The following PLXNA2 variants were observed in gnomAD, a reference collection of about 807,000 sequenced individuals.
The protein encoded by PLXNA2 is plexin A2, also known as plexin-A2.
PLXNA2 carries 91 observed loss-of-function variants against 193.5 expected under a neutral mutation model. That is an observed-to-expected ratio of 0.47 (90% CI 0.40 to 0.56). The LOEUF (loss-of-function observed/expected upper bound fraction) is 0.56. Among genes scored for constraint, PLXNA2 ranks in the 20% least tolerant of loss-of-function variants. The pLI is 0.00. For synonymous variants in PLXNA2, 997 were observed against 1,027.3 expected (o/e 0.97, Z 0.56); for missense variants, 1,995 against 2,503.2 (o/e 0.80, Z 4.33).
In PLXNA2 at chr1:208,142,346, C is replaced by A; in HGVS notation, c.1489G>T (p.Val497Phe). 1.2e-6 allele frequency: 2 copies of A among 1,604,794 alleles called. No individual in the cohort carries two copies. The highest frequency in any genetic ancestry group is 1.7e-6 in the Non-Finnish European group (2 of 1,176,884). ...AFSIDQRYLY[V>F]MSERQVTRVP... is the part of the protein sequence containing the mutation. ...GCACTTACCTGTCTCTCAGACATGA[C>A]GTACAGGTAGCGCTGATCAATGGAG... Residue 497 changes from valine to phenylalanine, a missense_variant, in exon 4 of 32, where the codon GTC becomes TTC. Physicochemically the swap from Val to Phe is conservative, Grantham distance 50 (BLOSUM62 -1). This residue lies in a region of PLXNA2 where 702 missense variants were observed against 812.9 expected (regional missense o/e 0.86). Coordinates refer to ENST00000367033, the MANE Select transcript of PLXNA2 (RefSeq NM_025179.4).
chr1:208,025,431 G>A lies in PLXNA2; in HGVS notation c.*1812C>T, dbSNP rs1432249753. On this transcript the variant is annotated 3_prime_UTR_variant, in exon 32 of 32. Coordinates refer to ENST00000367033, the MANE Select transcript of PLXNA2 (RefSeq NM_025179.4). ...GACCCTGGTCTAGTCTCTCTTGGAGGAGCTGGTCTAGCTTCCCAGCATCAT... is the reference window on the plus strand; with the variant it reads ...GACCCTGGTCTAGTCTCTCTTGGAGAAGCTGGTCTAGCTTCCCAGCATCAT... 1 of 152,270 alleles carries A rather than the reference G, an allele frequency of 6.6e-6. No homozygotes were observed. Among genetic ancestry groups the A allele is most frequent in the Admixed American group, 6.5e-5 (1 of 15,288 alleles). The allele number at this position is 152,270 out of a possible 1,614,324, so 9.4% of individuals were successfully genotyped here.
intron 4 of PLXNA2, among the ~76,000 whole-genome samples, chr1:208,114,819 T>C (rs1422564824): frequency 1.3e-5 from 2 of 151,996 alleles, no homozygotes; most frequent in Admixed American, 6.6e-5. Flanking sequence ...AGTGAGTAGA[T>C]GAGTGTGTGT....
At chr1:208,162,507 C>A (rs1042785999) in intron 3 of PLXNA2, among the ~76,000 whole-genome samples, 1 of 152,106 alleles carries the variant, frequency 6.6e-6, no homozygotes, top group African/African-American at 2.4e-5. Context: ...AGCTTTGGCC[C>A]TTTGTGCTTC....
intron 4 of PLXNA2, among the ~76,000 whole-genome samples, chr1:208,111,319 T>C (rs769166902): frequency 6.6e-6 from 1 of 152,142 alleles, no homozygotes; most frequent in Non-Finnish European, 1.5e-5. Context: ...CTCCTACCTC[T>C]GGCTCCTAAA....
chr1:208,084,614 C>G, intron 9 of PLXNA2, 34 bp from the exon 10 acceptor site: 1 of 1,599,342 alleles, frequency 6.3e-7, no homozygotes, highest in Non-Finnish European at 8.6e-7. Context: ...CCATCTGTCC[C>G]CTGTTCATGC....
chr1:208,125,093 A>G (rs960880522), intron 4 of PLXNA2, among the ~76,000 whole-genome samples: 1 of 152,228 alleles, frequency 6.6e-6, no homozygotes, highest in Admixed American at 6.5e-5. Flanking sequence ...AAATGTAACA[A>G]TAACTATACC....
chr1:208,095,676 C>T (rs1208385392), intron 8 of PLXNA2, among the ~76,000 whole-genome samples: 1 of 152,158 alleles, frequency 6.6e-6, no homozygotes, highest in Non-Finnish European at 1.5e-5. Flanking sequence ...CCATACTCCA[C>T]TCACTGTCAG....
At chr1:208,093,054 G>C (rs1013503826) in intron 8 of PLXNA2, among the ~76,000 whole-genome samples, 154 bp from the exon 9 acceptor site, 3 of 152,218 alleles carry the variant, frequency 2.0e-5, no homozygotes, top group Non-Finnish European at 4.4e-5. Context: ...AAGAATTGTG[G>C]ATTCTCCATC....
intron 3 of PLXNA2, among the ~76,000 whole-genome samples, chr1:208,150,479 T>C (rs1668725006): frequency 6.6e-6 from 1 of 152,124 alleles, no homozygotes; most frequent in South Asian, 2.1e-4. Flanking sequence ...CTCTGGACTT[T>C]TGCATCTTGG....
intron 1 of PLXNA2, among the ~76,000 whole-genome samples, chr1:208,240,833 T>C (rs1187356181): frequency 6.6e-6 from 1 of 151,958 alleles, no homozygotes; most frequent in Non-Finnish European, 1.5e-5. Flanking sequence ...AAGTATATTG[T>C]GCCTCAGTTC....
intron 1 of PLXNA2, among the ~76,000 whole-genome samples, chr1:208,238,454 T>C (rs1279146655): frequency 6.6e-6 from 1 of 152,322 alleles, no homozygotes; most frequent in East Asian, 1.9e-4. Flanking sequence ...CAAACCAAGA[T>C]GAACTATCAA....
At position 208,228,366 on chromosome 1, in the gene PLXNA2, G is replaced by A. The variant is rs545904848; in HGVS notation, c.-80-10364C>T. On this transcript the variant is annotated intron_variant, in intron 1 of 31. Transcript: ENST00000367033. Reference sequence around the variant, plus strand: ...TAGGGTTCCCAAAAGTTCAAAGGGCGGGGCTCTTCACCAGGAATCCTCGTG... The same window carrying A: ...TAGGGTTCCCAAAAGTTCAAAGGGCAGGGCTCTTCACCAGGAATCCTCGTG... Among the ~76,000 whole-genome samples, 59 of 152,252 alleles carry A rather than the reference G, an allele frequency of 3.9e-4. 1 individual carries two copies. The highest frequency in any genetic ancestry group is 1.0e-3 in the African/African-American group (42 of 41,536).
In PLXNA2 at chr1:208,038,038, G is replaced by A. The variant is rs1251860294; in HGVS notation, c.4764+333C>T. Among the ~76,000 whole-genome samples, 4 of 152,300 alleles carry A rather than the reference G, an allele frequency of 2.6e-5. No individual in the cohort carries two copies. The highest frequency in any genetic ancestry group is 3.9e-4 in the East Asian group (2 of 5,194). ...CCTTAAGGTAGTTGTCCATGTGGAG[G>A]GCTTTGCAATATGCATTTGATTTTT... On this transcript the variant is annotated intron_variant, in intron 26 of 31. Transcript: ENST00000367033. This position sits in a 1 kb window ranked among gnomAD's most constrained non-coding sequence, Gnocchi z 4.1.
chr1:208,221,849 G>T (rs1671347390), intron 1 of PLXNA2, among the ~76,000 whole-genome samples: 3 of 152,206 alleles, frequency 2.0e-5, no homozygotes, highest in South Asian at 4.1e-4. Context: ...GAACTTAGGT[G>T]CCTGGACGCA....
intron 4 of PLXNA2, among the ~76,000 whole-genome samples, chr1:208,106,282 T>C (rs1667269322): frequency 6.6e-6 from 1 of 152,308 alleles, no homozygotes; most frequent in Middle Eastern, 3.4e-3. Flanking sequence ...GTCTCTTATA[T>C]TCATGTGCTT....
chr1:208,060,640 C>G (rs760228059), intron 13 of PLXNA2, 46 bp downstream of exon 13: 3 of 1,560,348 alleles, frequency 1.9e-6, no homozygotes, highest in Non-Finnish European at 1.7e-6. Flanking sequence ...CTCCAGTCTC[C>G]ACTCTGAAGC....
At chr1:208,218,178 T>C in intron 1 of PLXNA2, 176 bp from the exon 2 acceptor site, 1 of 607,598 alleles carries the variant, frequency 1.6e-6, no homozygotes, top group Admixed American at 3.0e-5. Flanking sequence ...GGGAATCCTG[T>C]TATCTATTTT....
At chr1:208,218,410 T>C (rs980497019) in intron 1 of PLXNA2, among the ~76,000 whole-genome samples, 15 of 152,296 alleles carry the variant, frequency 9.8e-5, no homozygotes, top group Admixed American at 8.5e-4. Flanking sequence ...CTCCTGTTTT[T>C]TGAAAGCTTG....
In PLXNA2 at chr1:208,217,647, C is replaced by T. The variant is rs770489392; in HGVS notation, c.276G>A (p.Lys92=). Residue 92 remains lysine, a synonymous_variant, in exon 2 of 32, where the codon AAG becomes AAA. Coordinates refer to ENST00000367033, the MANE Select transcript of PLXNA2 (RefSeq NM_025179.4). The surrounding 1 kb of genome is among the most constrained non-coding windows in gnomAD (Gnocchi z 4.7). ...AHKTGPEEDN[K]SCYPPLIVQP... ...GCACGATGAGGGGCGGGTAACAAGACTTGTTGTCCTCTTCTGGCCCTGTCT... is the reference window on the plus strand; with the variant it reads ...GCACGATGAGGGGCGGGTAACAAGATTTGTTGTCCTCTTCTGGCCCTGTCT... 1.5e-5 allele frequency: 24 copies of T among 1,614,164 alleles called. No homozygotes were observed. The highest frequency in any genetic ancestry group is 1.9e-5 in the Non-Finnish European group (23 of 1,180,026).
Sources: gnomAD v4.1 joint callset for allele counts (sites outside exome capture counted in the v4.1 genomes callset) on GRCh38, gnomAD v4.1.1 for gene constraint, gnomAD v4.1.1 regional missense constraint, Gnocchi (gnomAD v3.1) non-coding constraint, MANE v1.5 for transcripts, NCBI Gene and HGNC (gene_info 2026-07-23, HGNC 2026-07-21) for gene names.